TAF2: variants seen among roughly 807,000 people sequenced by gnomAD.
The protein encoded by TAF2 is TATA-box binding protein associated factor 2.
TAF2 carries 61 observed loss-of-function variants against 138.5 expected under a neutral mutation model. The ratio of observed to expected loss-of-function variants is 0.44; its 90% CI spans 0.36 to 0.54. The LOEUF (loss-of-function observed/expected upper bound fraction) is 0.54, where lower values mean the gene tolerates loss of function less well. TAF2 is among the 20% of genes least tolerant of loss of function. The pLI, the probability that TAF2 is intolerant of heterozygous loss-of-function variation, is 0.00. For synonymous variants in TAF2, 475 were observed against 469.9 expected (o/e 1.01, Z -0.14); for missense variants, 1,090 against 1,427.9 (o/e 0.76, Z 3.81).
intron 16 of TAF2, among the ~76,000 whole-genome samples, chr8:119,781,545 T>C (rs936259248): frequency 6.6e-6 from 1 of 152,096 alleles, no homozygotes. Flanking sequence ...CCGGGCATGA[T>C]GGCGGGTGCC....
intron 21 of TAF2, 104 bp downstream of exon 21, chr8:119,757,969 C>T (rs1820811477): frequency 2.1e-6 from 2 of 932,688 alleles, no homozygotes; most frequent in Admixed American, 1.9e-5. Flanking sequence ...AAGATATTCC[C>T]ATATTTTCAA....
At chr8:119,781,783 G>A (rs1822680565) in intron 16 of TAF2, among the ~76,000 whole-genome samples, 1 of 152,020 alleles carries the variant, frequency 6.6e-6, no homozygotes, top group African/African-American at 2.4e-5. Flanking sequence ...TGCCTCCCGG[G>A]CTCCAGAGAT....
At chr8:119,796,793 A>C (rs1823856767) in intron 8 of TAF2, among the ~76,000 whole-genome samples, 197 bp downstream of exon 8, 1 of 152,060 alleles carries the variant, frequency 6.6e-6, no homozygotes, top group Non-Finnish European at 1.5e-5. Context: ...TTAACTAATA[A>C]ATATAAGTGA....
At chr8:119,809,322 C>A (rs1394919570) in intron 3 of TAF2, among the ~76,000 whole-genome samples, 1 of 152,182 alleles carries the variant, frequency 6.6e-6, no homozygotes, top group Non-Finnish European at 1.5e-5. Context: ...ATTCACAGAA[C>A]TGAAGAGAGT....
intron 3 of TAF2, among the ~76,000 whole-genome samples, chr8:119,816,665 A>T (rs1825498429): frequency 6.6e-6 from 1 of 152,216 alleles, no homozygotes. Flanking sequence ...AGTTCTCTTT[A>T]AAAATAACAT....
At chr8:119,824,861 T>C (rs970192950) in intron 2 of TAF2, among the ~76,000 whole-genome samples, 4 of 152,212 alleles carry the variant, frequency 2.6e-5, no homozygotes, top group African/African-American at 7.2e-5. Flanking sequence ...TGTATGGAAA[T>C]GCCTGGATGC....
chr8:119,752,081 A>G (rs1352862652), intron 22 of TAF2, among the ~76,000 whole-genome samples: 1 of 152,172 alleles, frequency 6.6e-6, no homozygotes, highest in Non-Finnish European at 1.5e-5. Flanking sequence ...TAAATATAAT[A>G]TAAAGAAAGA....
intron 20 of TAF2, among the ~76,000 whole-genome samples, chr8:119,758,999 G>A (rs1259568081): frequency 2.0e-5 from 3 of 151,978 alleles, no homozygotes; most frequent in Non-Finnish European, 2.9e-5. Context: ...TTCATTTAAG[G>A]TAGTACTAAC....
chr8:119,819,631 T>C, intron 2 of TAF2, 125 bp from the exon 3 acceptor site: 9 of 735,852 alleles, frequency 1.2e-5, no homozygotes, highest in South Asian at 1.2e-4. Context: ...GCTACATACA[T>C]ACATATGCTC....
intron 2 of TAF2, among the ~76,000 whole-genome samples, chr8:119,827,429 A>G (rs920924699): frequency 1.3e-5 from 2 of 152,188 alleles, no homozygotes; most frequent in African/African-American, 4.8e-5. Context: ...CCCAAAGTGC[A>G]TGGAATGTAA....
At chr8:119,750,292 G>T (rs937078760) in intron 22 of TAF2, among the ~76,000 whole-genome samples, 1 of 152,178 alleles carries the variant, frequency 6.6e-6, no homozygotes, top group Non-Finnish European at 1.5e-5. Flanking sequence ...AGTGAGCCAA[G>T]ATCGCACCAC....
chr8:119,824,772 C>A (rs1052068169), intron 2 of TAF2, among the ~76,000 whole-genome samples: 1 of 152,206 alleles, frequency 6.6e-6, no homozygotes, highest in Non-Finnish European at 1.5e-5. Context: ...GCCTTGGCAG[C>A]TCCCATGTGG....
At chr8:119,766,091 A>C (rs6469843) in intron 18 of TAF2, among the ~76,000 whole-genome samples, 24,673 of 152,172 alleles carry the variant, frequency 0.16, 3,493 homozygotes, top group African/African-American at 0.38. Flanking sequence ...ATGATATTAC[A>C]TTCAATTTAA....
At chr8:119,762,877 G>A (rs1821162459) in intron 18 of TAF2, 2 of 290,990 alleles carry the variant, frequency 6.9e-6, no homozygotes, top group African/African-American at 2.2e-5. Flanking sequence ...GGTTAATGTA[G>A]GAGTTCTAGC....
rs761398718 is a variant in TAF2 at position 119,783,681 on chromosome 8, A to G, written c.1860-48T>C. On this transcript the variant is annotated intron_variant, in intron 15 of 25. Coordinates refer to ENST00000378164, the MANE Select transcript of TAF2 (RefSeq NM_003184.4). Reference sequence around the variant, plus strand: ...TTTTAATTTAATTTTTAAACTTATCATCTATATATTTAGAAAATAAATACA... The same window carrying G: ...TTTTAATTTAATTTTTAAACTTATCGTCTATATATTTAGAAAATAAATACA... 4 of 1,548,104 alleles carry G rather than the reference A, an allele frequency of 2.6e-6. No homozygotes were observed. In the South Asian group the frequency reaches 3.6e-5, roughly 14 times the overall value.
At chr8:119,789,306 C>A (rs1823254338) in intron 12 of TAF2, among the ~76,000 whole-genome samples, 1 of 152,160 alleles carries the variant, frequency 6.6e-6, no homozygotes, top group African/African-American at 2.4e-5. Flanking sequence ...CTTACCTATC[C>A]TATCATCAAA....
chr8:119,784,612 T>C (rs1301807957), intron 15 of TAF2, among the ~76,000 whole-genome samples: 1 of 152,198 alleles, frequency 6.6e-6, no homozygotes, highest in Admixed American at 6.5e-5. Context: ...ATAAAAAATA[T>C]ACAGGTACAG....
chr8:119,818,194 G>A (rs1468077400), intron 3 of TAF2, among the ~76,000 whole-genome samples: 1 of 152,208 alleles, frequency 6.6e-6, no homozygotes, highest in African/African-American at 2.4e-5. Flanking sequence ...CACCTGGCAA[G>A]CTTCTTAAAA....
intron 6 of TAF2, among the ~76,000 whole-genome samples, chr8:119,799,390 A>T (rs989058214): frequency 4.6e-5 from 7 of 150,722 alleles, no homozygotes; most frequent in Non-Finnish European, 1.0e-4. Flanking sequence ...CCCACCTATG[A>T]GTGAGAACAT....
Sources: gnomAD v4.1 joint callset for allele counts (sites outside exome capture counted in the v4.1 genomes callset) on GRCh38, gnomAD v4.1.1 for gene constraint, MANE v1.5 for transcripts, NCBI Gene and HGNC (gene_info 2026-07-23, HGNC 2026-07-21) for gene names.